The following MAST3 variants were observed in gnomAD, a reference collection of about 807,000 sequenced individuals.
The protein encoded by MAST3 is microtubule-associated serine/threonine-protein kinase 3.
A neutral mutation model predicts 127.0 loss-of-function variants in MAST3; 43 were observed. The ratio of observed to expected loss-of-function variants is 0.34; its 90% CI spans 0.27 to 0.44. The LOEUF (loss-of-function observed/expected upper bound fraction) is 0.44. Among genes scored for constraint, MAST3 ranks in the 20% least tolerant of loss-of-function variants. The pLI, the probability that MAST3 is intolerant of heterozygous loss-of-function variation, is 1.00. For missense variants in MAST3, 1,390 were observed against 1,919.1 expected (o/e 0.72, Z 5.15); for synonymous variants, 785 against 809.2 (o/e 0.97, Z 0.51).
rs769146572 is a variant in MAST3 at position 18,134,566 on chromosome 19, A to C, written c.1572-13A>C. 6.2e-7 allele frequency: 1 copy of C among 1,607,656 alleles called. No individual in the cohort carries two copies. On this transcript the variant is annotated splice_polypyrimidine_tract_variant and intron_variant, in intron 15 of 27. Transcript: ENST00000687212. ...GCCCCCCAGCTCTGAGCACACTCCT[A>C]ACCTGCCCACAGTCTGCTCATCACC...
intron 1 of MAST3, among the ~76,000 whole-genome samples, chr19:18,099,783 T>C (rs986740669): frequency 1.3e-5 from 2 of 152,220 alleles, no homozygotes; most frequent in African/African-American, 4.8e-5. Context: ...CTTTCTTACC[T>C]GTTTATATGG....
chr19:18,118,192 G>C (rs943020346), intron 3 of MAST3: 81 of 985,330 alleles, frequency 8.2e-5, no homozygotes, highest in Non-Finnish European at 9.2e-5. Context: ...ACTGGACGGC[G>C]GTGGCGGCTC....
At position 18,143,898 on chromosome 19, in the gene MAST3, G is replaced by A. The variant is rs757581883; in HGVS notation, c.2475G>A (p.Glu825=). Residue 825 remains glutamate (E), a synonymous_variant, in exon 22 of 28, where the codon GAG becomes GAA. Coordinates refer to ENST00000687212, the MANE Select transcript of MAST3 (RefSeq NM_001393504.1). ...MPKFAFSSED[E]GVGPGPAGPK... ...AGTTTGCCTTCTCATCAGAGGATGA[G>A]GGGGTAGGCCCAGGCCCTGCAGGCC... The A allele has an allele frequency of 6.2e-7, 1 of 1,613,720 alleles. No individual in the cohort carries two copies. The highest frequency in any genetic ancestry group is 8.5e-7 in the Non-Finnish European group (1 of 1,179,872).
At chr19:18,126,139 T>A (rs773042357) in intron 11 of MAST3, among the ~76,000 whole-genome samples, 5 of 152,006 alleles carry the variant, frequency 3.3e-5, no homozygotes, top group Non-Finnish European at 7.4e-5. Context: ...GGAAGATCGC[T>A]TGAGCTTGGC....
rs1431451587 is a variant in MAST3, at chr19:18,144,017, G to A, written c.2584+10G>A. The A allele has an allele frequency of 6.4e-7, 1 of 1,555,296 alleles. No individual in the cohort carries two copies. Among genetic ancestry groups the A allele is most frequent in the Non-Finnish European group, 8.7e-7 (1 of 1,149,286 alleles). On this transcript the variant is annotated intron_variant, in intron 22 of 27. Coordinates refer to ENST00000687212, the MANE Select transcript of MAST3 (RefSeq NM_001393504.1). The surrounding 1 kb of genome is among the most constrained non-coding windows in gnomAD (Gnocchi z 4.0). Reference sequence around the variant, plus strand: ...CCCTCGAGCCTTTCTGGTAAGTGGGGCCCTGAGTAAGAGGGATGATGTCAT... The same window carrying A: ...CCCTCGAGCCTTTCTGGTAAGTGGGACCCTGAGTAAGAGGGATGATGTCAT...
chr19:18,122,381 C>A (rs146124232), intron 5 of MAST3, among the ~76,000 whole-genome samples: 213 of 151,840 alleles, frequency 1.4e-3, no homozygotes, highest in Non-Finnish European at 2.1e-3. Flanking sequence ...CTGGGGAGTC[C>A]TCCGTTTGGT....
In MAST3 at chr19:18,097,801, G is replaced by C. The variant is rs2037094198; in HGVS notation, c.9G>C (p.Glu3Asp). 2.5e-6 allele frequency: 3 copies of C among 1,223,928 alleles called. No individual in the cohort carries two copies. The highest frequency in any genetic ancestry group is 3.1e-6 in the Non-Finnish European group (3 of 983,140). The allele number at this position is 1,223,928 out of a possible 1,614,324, so 75.8% of individuals were successfully genotyped here. Residue 3 changes from glutamate (E) to aspartate (D), a missense_variant, in exon 1 of 28, where the codon GAG becomes GAC. Around this residue, in one of 5 missense-constraint regions of MAST3, gnomAD observed 61 missense variants for 78.2 expected, o/e 0.78. Coordinates refer to ENST00000687212, the MANE Select transcript of MAST3 (RefSeq NM_001393504.1). MD[E>D]SSLLRRRGLQ... ...GCGCGGACTCCCGGGCCATGGACGA[G>C]TCGAGCCTCCTGCGGCGCCGCGGGC...
At chr19:18,143,397 G>A (rs1472501200) in intron 21 of MAST3, among the ~76,000 whole-genome samples, 1 of 152,128 alleles carries the variant, frequency 6.6e-6, no homozygotes, top group African/African-American at 2.4e-5. Flanking sequence ...CCAACATGGT[G>A]TAACCCCGTC....
intron 1 of MAST3, among the ~76,000 whole-genome samples, chr19:18,099,779 TA>T (rs929992083): frequency 1.3e-5 from 2 of 152,240 alleles, no homozygotes; most frequent in African/African-American, 4.8e-5. Context: ...TAGCCTTTCT[TA>T]CCTGTTTATA....
Position 18,123,929 on chromosome 19 carries a change from C to T in MAST3, c.634-10C>T, listed in dbSNP as rs1328350147. ...CCTCTGACCAGGTCGCCCCGTCTCG[C>T]CCCACCCAGGCCACAGCACAGATGG... On this transcript the variant is annotated splice_polypyrimidine_tract_variant and intron_variant, in intron 8 of 27. Coordinates refer to ENST00000687212, the MANE Select transcript of MAST3 (RefSeq NM_001393504.1). 2.6e-6 allele frequency: 4 copies of T among 1,552,364 alleles called. No homozygotes were observed. Among genetic ancestry groups the T allele is most frequent in the African/African-American group, 2.7e-5 (2 of 73,474 alleles).
In MAST3 at chr19:18,123,365, G is replaced by C. The variant is rs573739665; in HGVS notation, c.548G>C (p.Arg183Pro). 2 of 1,611,390 alleles carry C rather than the reference G, an allele frequency of 1.2e-6. No homozygotes were observed. Among genetic ancestry groups the C allele is most frequent in the Non-Finnish European group, 1.7e-6 (2 of 1,179,312 alleles). ...GRSPRLRPRS[R>P]SLSPGRATGT... is the part of the protein sequence containing the mutation. ...TCACCCCGCCTCCGACCCCGCTCTC[G>C]CAGTCTCAGGTGGGCCGCGACCTCT... The change falls in exon 7 of 28, where the codon CGC becomes CCC. Residue 183 changes from arginine (R) to proline (P), a missense_variant. Transcript: ENST00000687212.
intron 21 of MAST3, among the ~76,000 whole-genome samples, chr19:18,143,096 A>C (rs561063554): frequency 7.0e-6 from 1 of 142,668 alleles, no homozygotes; most frequent in South Asian, 2.3e-4. Flanking sequence ...GGGGTGACAG[A>C]GCGAGACTCT....
Position 18,135,801 on chromosome 19 carries a change from C to G in MAST3, c.1932C>G (p.Thr644=). The G allele has an allele frequency of 6.2e-7, 1 of 1,611,616 alleles. No individual in the cohort carries two copies. Among genetic ancestry groups the G allele is most frequent in the Non-Finnish European group, 8.5e-7 (1 of 1,178,922 alleles). ...ALPADAQDLI[T]RLLRQSPLDR... ...CAGCAGACGCCCAGGACCTCATCAC[C>G]AGGTTGCTCCGGCAGAGCCCGCTGG... is the stretch of plus-strand genomic sequence containing the variant. Residue 644 remains threonine (T), a synonymous_variant, in exon 18 of 28, where the codon ACC becomes ACG. Coordinates refer to ENST00000687212, the MANE Select transcript of MAST3 (RefSeq NM_001393504.1).
chr19:18,141,373 C>CTTTTTT (rs1258607951), intron 20 of MAST3, among the ~76,000 whole-genome samples: 1 of 16,380 alleles, frequency 6.1e-5, no homozygotes, highest in Non-Finnish European at 1.1e-4. Flanking sequence ...ACTAAGCCAG[C>CTTTTTT]TTTCTTTTTT....
At chr19:18,115,746 G>A (rs532941257) in intron 3 of MAST3, among the ~76,000 whole-genome samples, 1 of 152,270 alleles carries the variant, frequency 6.6e-6, no homozygotes, top group South Asian at 2.1e-4. Flanking sequence ...CCAGCAGTCT[G>A]CTCCCCATAG....
chr19:18,139,667 T>C (rs1166058672), intron 20 of MAST3, among the ~76,000 whole-genome samples: 1 of 152,114 alleles, frequency 6.6e-6, no homozygotes, highest in Non-Finnish European at 1.5e-5. Context: ...TTCACCATGT[T>C]GGCCAGGCTG....
intron 1 of MAST3, 104 bp downstream of exon 1, chr19:18,097,935 T>A (rs2037123231): frequency 1.1e-6 from 1 of 913,430 alleles, no homozygotes; most frequent in Non-Finnish European, 1.4e-6. Flanking sequence ...GTAGGGAAAC[T>A]GAGGCAGAGG....
intron 13 of MAST3, 54 bp from the exon 14 acceptor site, chr19:18,130,440 T>A: frequency 6.7e-7 from 1 of 1,491,692 alleles, no homozygotes; most frequent in East Asian, 2.4e-5. Context: ...TGAGCTGTAG[T>A]GCCTGCTGGG....
At chr19:18,130,333 G>A (rs1461206944) in intron 13 of MAST3, among the ~76,000 whole-genome samples, 161 bp from the exon 14 acceptor site, 1 of 152,184 alleles carries the variant, frequency 6.6e-6, no homozygotes, top group African/African-American at 2.4e-5. Context: ...CCCAAAGGTG[G>A]CTGCTCTGGG....
Sources: allele counts gnomAD v4.1 joint callset (sites outside exome capture counted in the v4.1 genomes callset), GRCh38; gene constraint gnomAD v4.1.1; regional missense constraint gnomAD v4.1.1; non-coding constraint Gnocchi (gnomAD v3.1); transcripts MANE v1.5; gene names NCBI Gene and HGNC (gene_info 2026-07-23, HGNC 2026-07-21).